ZDHHC23: variants seen among roughly 807,000 people sequenced by gnomAD.
ZDHHC23 encodes the protein palmitoyltransferase ZDHHC23.
Under a neutral mutation model 40.2 loss-of-function variants are expected in ZDHHC23, and 41 were observed. The observed-to-expected ratio is 1.02, with a 90% CI of 0.79 to 1.32. ZDHHC23 has a LOEUF of 1.32. Ranked by LOEUF, ZDHHC23 falls within the 40% of genes most tolerant of loss-of-function variation. ZDHHC23 has a pLI of 0.00. For missense variants in ZDHHC23, 471 were observed against 541.5 expected, an observed-to-expected ratio of 0.87 and a Z score of 1.29; for synonymous variants, 204 against 210.2, an observed-to-expected ratio of 0.97 and a Z score of 0.26.
At chr3:113,975,916 T>C in the ZDHHC23 span, among the ~76,000 whole-genome samples, 1 of 152,182 alleles carries the variant, frequency 6.6e-6, no homozygotes, top group African/African-American at 2.4e-5. Context: ...CCTACATTGA[T>C]TTCACAACTT....
chr3:113,963,203 A>T lies in ZDHHC23; in HGVS notation c.*4573A>T, dbSNP rs1376784843. 6.6e-6 allele frequency: 1 copy of T among 152,100 alleles called. No homozygotes were observed. The highest frequency in any genetic ancestry group is 1.5e-5 in the Non-Finnish European group (1 of 68,016). The allele number at this position is 152,100 out of a possible 1,614,324, so 9.4% of individuals were successfully genotyped here. A position where few individuals can be genotyped will look rare whatever the true frequency, so the allele number is the denominator to read the frequency against. On this transcript the variant is annotated 3_prime_UTR_variant, in exon 5 of 5. Transcript: ENST00000638807. ...CAGTAACATTTTGAAACATACTTTC[A>T]TGATAGTCCAGCAAAAAACAGCATC...
At chr3:113,974,008 A>G in the ZDHHC23 span, among the ~76,000 whole-genome samples, 1 of 151,078 alleles carries the variant, frequency 6.6e-6, no homozygotes, top group African/African-American at 2.4e-5. Context: ...GCATATTTTC[A>G]AGTGGCTTGT....
In ZDHHC23 at chr3:113,960,344, G is replaced by A. The variant is rs1489816095; in HGVS notation, c.*1714G>A. ...GTGCCTGGGGATGTTAGCAGACTCT[G>A]GGGTTTGTACAGTGATGCCTTCTCC... On this transcript the variant is annotated 3_prime_UTR_variant, in exon 5 of 5. Coordinates refer to ENST00000638807, the MANE Select transcript of ZDHHC23 (RefSeq NM_001320466.2). The A allele has an allele frequency of 1.8e-6, 2 of 1,088,704 alleles. No individual in the cohort carries two copies. Among genetic ancestry groups the A allele is most frequent in the African/African-American group, 3.4e-5 (2 of 58,830 alleles). The allele number at this position is 1,088,704 out of a possible 1,614,324, so 67.4% of individuals were successfully genotyped here.
chr3:113,949,050 A>G, intron 2 of ZDHHC23, 87 bp downstream of exon 2: 1 of 1,530,126 alleles, frequency 6.5e-7, no homozygotes, highest in Middle Eastern at 2.3e-4. Context: ...CCAGAATGCT[A>G]GAATTTGCTC....
At chr3:113,951,366 C>G (rs1938642479) in intron 2 of ZDHHC23, among the ~76,000 whole-genome samples, 1 of 152,188 alleles carries the variant, frequency 6.6e-6, no homozygotes, top group Non-Finnish European at 1.5e-5. Context: ...GGCAGCCAGG[C>G]CTCTACAGCT....
Position 113,959,711 on chromosome 3 carries a change from C to A in ZDHHC23, c.*1081C>A. On this transcript the variant is annotated 3_prime_UTR_variant, in exon 5 of 5. Transcript: ENST00000638807. ...TCAGCCTTCTGGCATTCACATTATT[C>A]TGGTATGAACTTTGAGGAGTTGAGT... 9.1e-7 allele frequency: 1 copy of A among 1,102,674 alleles called. No individual in the cohort carries two copies. Among genetic ancestry groups the A allele is most frequent in the Non-Finnish European group, 1.1e-6 (1 of 884,056 alleles). The allele number at this position is 1,102,674 out of a possible 1,614,324, so 68.3% of individuals were successfully genotyped here. A position where few individuals can be genotyped will look rare whatever the true frequency, so the allele number is the denominator to read the frequency against.
At chr3:113,971,245 A>C in the ZDHHC23 span, among the ~76,000 whole-genome samples, 4 of 152,082 alleles carry the variant, frequency 2.6e-5, no homozygotes, top group African/African-American at 9.7e-5. Flanking sequence ...CTGACTTTTT[A>C]ATGATCGCCA....
At chr3:113,958,110 A>T (rs1443446270) in intron 4 of ZDHHC23, among the ~76,000 whole-genome samples, 3 of 152,186 alleles carry the variant, frequency 2.0e-5, no homozygotes, top group Non-Finnish European at 4.4e-5. Flanking sequence ...TGGAGGGTAC[A>T]AAATGCAAAA....
chr3:113,960,852 C>T lies in ZDHHC23; in HGVS notation c.*2222C>T. 1.4e-6 allele frequency: 2 copies of T among 1,420,470 alleles called. No homozygotes were observed. Among genetic ancestry groups the T allele is most frequent in the Non-Finnish European group, 1.9e-6 (2 of 1,073,340 alleles). 88.0% of individuals were successfully genotyped at this position (1,420,470 alleles called of 1,614,324 possible). A position where few individuals can be genotyped will look rare whatever the true frequency, so the allele number is the denominator to read the frequency against. On this transcript the variant is annotated 3_prime_UTR_variant, in exon 5 of 5. Coordinates refer to ENST00000638807, the MANE Select transcript of ZDHHC23 (RefSeq NM_001320466.2). ...CCCATGATGGACAGTTGACAGAATG[C>T]TTAAACCTGTCAAAAGATGAGTGAT... is the stretch of plus-strand genomic sequence containing the variant.
chr3:113,960,336 C>G lies in ZDHHC23; in HGVS notation c.*1706C>G, dbSNP rs1939595866. 2.8e-6 allele frequency: 3 copies of G among 1,068,284 alleles called. No homozygotes were observed. The highest frequency in any genetic ancestry group is 3.4e-6 in the Non-Finnish European group (3 of 883,142). The allele number at this position is 1,068,284 out of a possible 1,614,324, so 66.2% of individuals were successfully genotyped here. ...TAGGCTCTGTGCCTGGGGATGTTAG[C>G]AGACTCTGGGGTTTGTACAGTGATG... On this transcript the variant is annotated 3_prime_UTR_variant, in exon 5 of 5. Transcript: ENST00000638807.
At chr3:113,968,476 C>T (rs561045885), downstream of ZDHHC23, among the ~76,000 whole-genome samples, 24 of 150,024 alleles carry the variant, frequency 1.6e-4, no homozygotes, top group African/African-American at 3.9e-4. Flanking sequence ...TTTTTTAGGG[C>T]GTCACTCTGT....
In ZDHHC23 at chr3:113,958,537, A is replaced by AGGC. The variant is rs1281149020; in HGVS notation, c.1216_1218dup (p.Gly406dup). On this transcript the variant is annotated inframe_insertion, in exon 5 of 5. Transcript: ENST00000638807. Reference sequence around the variant, plus strand: ...TCCTCTGCGGGCTCATCGTGGACACAGGCCAGTACAATAGGGGCTTCCTGC... The same window carrying AGGC: ...TCCTCTGCGGGCTCATCGTGGACACAGGCGGCCAGTACAATAGGGGCTTCCTGC... 1 of 1,613,042 alleles carries AGGC rather than the reference A, an allele frequency of 6.2e-7. No individual in the cohort carries two copies. Among genetic ancestry groups the AGGC allele is most frequent in the East Asian group, 2.2e-5 (1 of 44,888 alleles).
rs1395649330 is a variant in ZDHHC23, at chr3:113,956,274, A to G, written c.873-65A>G. On this transcript the variant is annotated intron_variant, in intron 3 of 4. Transcript: ENST00000638807. Reference sequence around the variant, plus strand: ...AAAAAATAAAGCTTTCATGTTTATTATGTAAGTTATATCAAGAACTCTTAA... The same window carrying G: ...AAAAAATAAAGCTTTCATGTTTATTGTGTAAGTTATATCAAGAACTCTTAA... 4.6e-6 allele frequency: 7 copies of G among 1,506,664 alleles called. No individual in the cohort carries two copies. In the African/African-American group the frequency reaches 8.4e-5, roughly 18 times the overall value. 93.3% of individuals were successfully genotyped at this position (1,506,664 alleles called of 1,614,324 possible). A position where few individuals can be genotyped will look rare whatever the true frequency, so the allele number is the denominator to read the frequency against.
chr3:113,968,128 CCTTT>C (rs1212367834), downstream of ZDHHC23, among the ~76,000 whole-genome samples: 19 of 152,094 alleles, frequency 1.2e-4, no homozygotes, highest in African/African-American at 4.3e-4. Context: ...GTATTGATTT[CCTTT>C]CTTTTGGAGA....
chr3:113,972,545 T>C, the ZDHHC23 span, among the ~76,000 whole-genome samples: 1 of 152,176 alleles, frequency 6.6e-6, no homozygotes, highest in African/African-American at 2.4e-5. Context: ...GAATGTGTAT[T>C]CTTCAACAGC....
chr3:113,965,537 A>T (rs559541032), downstream of ZDHHC23: 1 of 403,078 alleles, frequency 2.5e-6, no homozygotes, highest in Admixed American at 4.3e-5. Context: ...TAAGGCAACA[A>T]AAGGGAATGA....
In ZDHHC23 at chr3:113,960,983, A is replaced by G. The variant is rs1338215737; in HGVS notation, c.*2353A>G. 2 of 458,308 alleles carry G rather than the reference A, an allele frequency of 4.4e-6. No homozygotes were observed. Among genetic ancestry groups the G allele is most frequent in the Non-Finnish European group, 7.4e-6 (2 of 271,404 alleles). The allele number at this position is 458,308 out of a possible 1,614,324, so 28.4% of individuals were successfully genotyped here. Reference sequence around the variant, plus strand: ...AGGCTCTGTGACATCTTTGGTTTATAGGATTTTGGAGCCTTTTATGATCTG... The same window carrying G: ...AGGCTCTGTGACATCTTTGGTTTATGGGATTTTGGAGCCTTTTATGATCTG... On this transcript the variant is annotated 3_prime_UTR_variant, in exon 5 of 5. Coordinates refer to ENST00000638807, the MANE Select transcript of ZDHHC23 (RefSeq NM_001320466.2).
rs754161995 is a variant in ZDHHC23 at position 113,960,777 on chromosome 3, A to G, written c.*2147A>G. On this transcript the variant is annotated 3_prime_UTR_variant, in exon 5 of 5. Transcript: ENST00000638807. ...CCATGGATAGGAAGGGACTCTGTGTATTATTCAGGTTTATTGGCACGAAGA... is the reference window on the plus strand; with the variant it reads ...CCATGGATAGGAAGGGACTCTGTGTGTTATTCAGGTTTATTGGCACGAAGA... 2 of 1,530,740 alleles carry G rather than the reference A, an allele frequency of 1.3e-6. No individual in the cohort carries two copies. The highest frequency in any genetic ancestry group is 2.4e-5 in the East Asian group (1 of 41,326). The allele number at this position is 1,530,740 out of a possible 1,614,324, so 94.8% of individuals were successfully genotyped here.
chr3:113,958,293 C>G, intron 4 of ZDHHC23, 70 bp from the exon 5 acceptor site: 1 of 1,401,388 alleles, frequency 7.1e-7, no homozygotes, highest in African/African-American at 1.4e-5. Context: ...ATGTGTAAAA[C>G]GTGAGAATGA....
Sources: allele counts gnomAD v4.1 joint callset (sites outside exome capture counted in the v4.1 genomes callset), GRCh38; gene constraint gnomAD v4.1.1; transcripts MANE v1.5; gene names NCBI Gene and HGNC (gene_info 2026-07-23, HGNC 2026-07-21).